PPFIA4: variants seen among roughly 807,000 people sequenced by gnomAD.
PPFIA4 encodes liprin-alpha-4.
A neutral mutation model predicts 145.7 loss-of-function variants in PPFIA4; 98 were observed. The ratio of observed to expected loss-of-function variants is 0.67; its 90% CI spans 0.57 to 0.80. The LOEUF (loss-of-function observed/expected upper bound fraction) is 0.80. PPFIA4 is among the 30% of genes least tolerant of loss of function. The pLI is 0.00. For synonymous variants in PPFIA4, 628 were observed against 649.6 expected (o/e 0.97, Z 0.51); for missense variants, 1,457 against 1,632.7 (o/e 0.89, Z 1.85).
Position 203,045,862 on chromosome 1 carries a change from A to G in PPFIA4, c.880A>G (p.Met294Val). ...LREALAQKED[M>V]EERITTLEKR... ...CCAGGCTCTGGCCCAGAAGGAGGAC[A>G]TGGAAGAGCGGATTACTACACTGGA... The change falls in exon 8 of 30, where the codon ATG becomes GTG. Residue 294 changes from methionine (M) to valine (V), a missense_variant. Physicochemically the swap from Met to Val is conservative, Grantham distance 21. Coordinates refer to ENST00000295706, the MANE Select transcript of PPFIA4 (RefSeq NM_001304331.2). 6.2e-7 allele frequency: 1 copy of G among 1,612,846 alleles called. No homozygotes were observed. The highest frequency in any genetic ancestry group is 1.7e-5 in the Admixed American group (1 of 60,020).
chr1:203,050,632 T>C (rs1444947753), intron 13 of PPFIA4, among the ~76,000 whole-genome samples: 6 of 152,002 alleles, frequency 3.9e-5, no homozygotes. Flanking sequence ...GGGGCAGTGG[T>C]TGAAATAGGG....
intron 5 of PPFIA4, 22 bp downstream of exon 5, chr1:203,044,475 AGTC>A: frequency 6.5e-7 from 1 of 1,547,214 alleles, no homozygotes; most frequent in Non-Finnish European, 8.7e-7. Context: ...GCTCACCCTC[AGTC>A]TGCAGCTCCT....
Position 203,076,504 on chromosome 1 carries a change from C to A in PPFIA4, c.*114C>A. 2 of 1,092,332 alleles carry A rather than the reference C, an allele frequency of 1.8e-6. No homozygotes were observed. Among genetic ancestry groups the A allele is most frequent in the Non-Finnish European group, 1.4e-6 (1 of 729,762 alleles). The allele number at this position is 1,092,332 out of a possible 1,614,324, so 67.7% of individuals were successfully genotyped here. A position where few individuals can be genotyped will look rare whatever the true frequency, so the allele number is the denominator to read the frequency against. On this transcript the variant is annotated 3_prime_UTR_variant, in exon 30 of 30. Transcript: ENST00000295706. ...GCTCCTAGTCTCGTCCGTGACTTTC[C>A]GGTTGCCCTGGATCTCAGAATATAT...
intron 2 of PPFIA4, among the ~76,000 whole-genome samples, chr1:203,039,634 C>T (rs1460653341): frequency 2.0e-5 from 3 of 152,196 alleles, no homozygotes; most frequent in African/African-American, 7.2e-5. Flanking sequence ...TCGTCCAGCT[C>T]CGTTATTGCA....
chr1:203,046,185 T>TGGGGTG (rs1660070606), intron 8 of PPFIA4, 63 bp from the exon 9 acceptor site: 15 of 1,085,022 alleles, frequency 1.4e-5, no homozygotes, highest in Non-Finnish European at 1.7e-5. Flanking sequence ...CTGCTGAGGC[T>TGGGGTG]GGGGTGGGGG....
chr1:203,052,147 T>G (rs1057294728), intron 14 of PPFIA4, among the ~76,000 whole-genome samples: 1 of 146,356 alleles, frequency 6.8e-6, no homozygotes, highest in Non-Finnish European at 1.5e-5. Context: ...TGCGTGTGCC[T>G]GGGCGTGCAG....
chr1:203,067,533 C>T (rs1349521085), intron 25 of PPFIA4, 162 bp from the exon 26 acceptor site: 23 of 629,802 alleles, frequency 3.7e-5, no homozygotes, highest in African/African-American at 1.1e-4. Context: ...CGGGATGGGT[C>T]GCAGGCAAGG....
intron 16 of PPFIA4, 104 bp from the exon 17 acceptor site, chr1:203,056,016 C>T (rs1337072888): frequency 3.5e-6 from 4 of 1,150,914 alleles, no homozygotes; most frequent in South Asian, 1.4e-5. Flanking sequence ...CTGTGTGAGG[C>T]ACTGAATCCT....
chr1:203,046,423 T>C, intron 9 of PPFIA4, 41 bp downstream of exon 9: 1 of 1,542,776 alleles, frequency 6.5e-7, no homozygotes, highest in Non-Finnish European at 8.8e-7. Flanking sequence ...CTGTCCCCCA[T>C]GTTCTGAGCT....
intron 1 of PPFIA4, among the ~76,000 whole-genome samples, chr1:203,028,304 G>A (rs1437182184): frequency 6.6e-6 from 1 of 152,208 alleles, no homozygotes; most frequent in Non-Finnish European, 1.5e-5. Context: ...GGGCATGGCA[G>A]GCAGCCAGGC....
intron 1 of PPFIA4, among the ~76,000 whole-genome samples, chr1:203,033,079 G>A (rs867932950): frequency 3.3e-5 from 5 of 152,282 alleles, no homozygotes; most frequent in Middle Eastern, 3.4e-3. Flanking sequence ...GAGTGTATTC[G>A]GCAGCTGGTA....
chr1:203,043,451 C>T lies in PPFIA4; in HGVS notation c.289C>T (p.Arg97Trp), dbSNP rs755139991. The T allele has an allele frequency of 5.6e-6, 9 of 1,611,432 alleles. No homozygotes were observed. The highest frequency in any genetic ancestry group is 7.6e-6 in the Non-Finnish European group (9 of 1,179,308). ...LSMCREQLLE[R>W]EEEISELKAE... ...CATGTGTCGGGAGCAGCTTCTAGAGCGGGAGGAAGAGATATCAGAACTGAA... is the reference window on the plus strand; with the variant it reads ...CATGTGTCGGGAGCAGCTTCTAGAGTGGGAGGAAGAGATATCAGAACTGAA... The change falls in exon 3 of 30, where the codon CGG becomes TGG. Residue 97 changes from arginine (R) to tryptophan (W), a missense_variant. Arg to Trp is a moderately radical substitution (Grantham distance 101). Coordinates refer to ENST00000295706, the MANE Select transcript of PPFIA4 (RefSeq NM_001304331.2). This position sits in a 1 kb window ranked among gnomAD's most constrained non-coding sequence, Gnocchi z 4.4.
chr1:203,045,661 G>C, intron 7 of PPFIA4, 102 bp downstream of exon 7: 1 of 1,453,626 alleles, frequency 6.9e-7, no homozygotes, highest in Non-Finnish European at 9.2e-7. Context: ...CTGCCTCCTT[G>C]CCTGGCTCCA....
Position 203,075,662 on chromosome 1 carries a change from G to A in PPFIA4, c.3479G>A (p.Ser1160Asn). The change falls in exon 29 of 30, where the codon AGC (serine) becomes AAC (asparagine). Residue 1160 changes from serine to asparagine, a missense_variant. Ser to Asn is a conservative substitution (Grantham distance 46). This residue lies in a region of PPFIA4 where 146 missense variants were observed against 126.2 expected (regional missense o/e 1.16). Coordinates refer to ENST00000295706, the MANE Select transcript of PPFIA4 (RefSeq NM_001304331.2). This position sits in a 1 kb window ranked among gnomAD's most constrained non-coding sequence, Gnocchi z 4.1. Reference sequence around the variant, plus strand: ...CACCACGGTCGCGGCGGCATGCTCAGCGCTTCCGCGGAGACCCTCCCGGCG... The same window carrying A: ...CACCACGGTCGCGGCGGCATGCTCAACGCTTCCGCGGAGACCCTCCCGGCG... Reference protein sequence around the residue: ...REHHGRGGMLSASAETLPAGF... With the variant: ...REHHGRGGMLNASAETLPAGF... 1 of 1,508,022 alleles carries A rather than the reference G, an allele frequency of 6.6e-7. No homozygotes were observed. The highest frequency in any genetic ancestry group is 8.9e-7 in the Non-Finnish European group (1 of 1,126,840). The allele number at this position is 1,508,022 out of a possible 1,614,324, so 93.4% of individuals were successfully genotyped here.
intron 1 of PPFIA4, chr1:203,035,305 G>A (rs770707265): frequency 3.5e-5 from 16 of 456,720 alleles, no homozygotes; most frequent in South Asian, 2.5e-4. Context: ...CTCTCTCCGT[G>A]GCCAGGCCTG....
chr1:203,068,724 G>C lies in PPFIA4; in HGVS notation c.3324+96G>C, dbSNP rs1410580480. On this transcript the variant is annotated intron_variant, in intron 27 of 29. Coordinates refer to ENST00000295706, the MANE Select transcript of PPFIA4 (RefSeq NM_001304331.2). The surrounding 1 kb of genome is among the most constrained non-coding windows in gnomAD (Gnocchi z 4.7). ...ATACACAAAGGCTTAGGTATCTTGG[G>C]GGGTGGGGAGCTTTTCTAGGGCCTA... 2.3e-6 allele frequency: 3 copies of C among 1,290,932 alleles called. No homozygotes were observed. Among genetic ancestry groups the C allele is most frequent in the Non-Finnish European group, 3.1e-6 (3 of 982,484 alleles). 80.0% of individuals were successfully genotyped at this position (1,290,932 alleles called of 1,614,324 possible).
chr1:203,045,819 T>C (rs1456730595), intron 7 of PPFIA4, 22 bp from the exon 8 acceptor site: 1 of 1,612,700 alleles, frequency 6.2e-7, no homozygotes. Context: ...GTTACCGTCC[T>C]TCTTGTCCCC....
rs1660926127 is a variant in PPFIA4 at position 203,056,133 on chromosome 1, G to A, written c.2084G>A (p.Arg695Lys). 1.2e-6 allele frequency: 2 copies of A among 1,613,892 alleles called. No homozygotes were observed. Among genetic ancestry groups the A allele is most frequent in the Non-Finnish European group, 1.7e-6 (2 of 1,179,878 alleles). Residue 695 changes from arginine (R) to lysine (K), a missense_variant, in exon 17 of 30, where the codon AGA (arginine) becomes AAA (lysine). By Grantham distance (26) the Arg-to-Lys change is conservative (BLOSUM62 2). Around this residue, in one of 3 missense-constraint regions of PPFIA4, gnomAD observed 848 missense variants for 1,046.7 expected, o/e 0.81. Transcript: ENST00000295706. ...TCTCTCTTGCAGCCCAGTGACTTAA[G>A]AAAGCATAGGAGGAAGCTGCTGGTG... Reference protein sequence around the residue: ...MGVMTLPSDLRKHRRKLLSPV... With the variant: ...MGVMTLPSDLKKHRRKLLSPV...
chr1:203,027,838 T>C (rs73073827), intron 1 of PPFIA4, among the ~76,000 whole-genome samples: 7,278 of 152,264 alleles, frequency 0.048, 443 homozygotes, highest in African/African-American at 0.13. Flanking sequence ...CCCCATTCTG[T>C]TACATTGCTG....
Sources: gnomAD v4.1 joint callset for allele counts (sites outside exome capture counted in the v4.1 genomes callset) on GRCh38, gnomAD v4.1.1 for gene constraint, gnomAD v4.1.1 regional missense constraint, Gnocchi (gnomAD v3.1) non-coding constraint, MANE v1.5 for transcripts, NCBI Gene and HGNC (gene_info 2026-07-23, HGNC 2026-07-21) for gene names.